The following KLF8 variants were observed in gnomAD, a reference collection of about 807,000 sequenced individuals.
The protein encoded by KLF8 is KLF transcription factor 8.
Under a neutral mutation model 18.2 loss-of-function variants are expected in KLF8, and 10 were observed. The observed-to-expected ratio is 0.55, with a 90% CI of 0.34 to 0.93. The LOEUF is 0.93. KLF8 is among the 40% of genes least tolerant of loss of function. The pLI is 0.02. For synonymous variants in KLF8, 109 were observed against 97.3 expected (o/e 1.12, Z -0.71); for missense variants, 264 against 277.9 (o/e 0.95, Z 0.36).
chrX:56,013,605 T>A, the KLF8 span, among the ~76,000 whole-genome samples: 4 of 111,551 alleles, frequency 3.6e-5, no homozygotes, highest in Admixed American at 2.9e-4. Flanking sequence ...CAGGTGGAGA[T>A]AATTGAATCA....
the KLF8 span, among the ~76,000 whole-genome samples, chrX:56,048,254 A>G: frequency 8.9e-6 from 1 of 111,825 alleles, no homozygotes; most frequent in East Asian, 2.8e-4. Flanking sequence ...TTTGCTGTGC[A>G]GAAGCTCTTT....
At chrX:55,936,582 G>A in the KLF8 span, among the ~76,000 whole-genome samples, 19 of 112,947 alleles carry the variant, frequency 1.7e-4, no homozygotes, top group Admixed American at 1.6e-3. Context: ...GCGAGGCATT[G>A]CCTCACGCAG....
the KLF8 span, among the ~76,000 whole-genome samples, chrX:55,976,602 G>A: frequency 0.035 from 4 of 113 alleles, no homozygotes; most frequent in Non-Finnish European, 0.062. Context: ...CATGTTTTCT[G>A]ATTCCTTTGG....
the KLF8 span, among the ~76,000 whole-genome samples, chrX:56,209,059 G>A: frequency 8.9e-6 from 1 of 111,873 alleles, no homozygotes; most frequent in African/African-American, 3.2e-5. Context: ...AAAGGGGAGT[G>A]TTGAAGTCTC....
the KLF8 span, among the ~76,000 whole-genome samples, chrX:56,020,041 T>C: frequency 1.8e-5 from 2 of 112,078 alleles, no homozygotes; most frequent in African/African-American, 3.2e-5. Context: ...CAATCAAGTA[T>C]TGATGTGTCG....
chrX:56,269,323 G>A, intron 3 of KLF8, 55 bp from the exon 4 acceptor site: 2 of 1,115,970 alleles, frequency 1.8e-6, no homozygotes, highest in East Asian at 6.5e-5. Context: ...TCCTGAAAAT[G>A]ATTAAAGAGG....
the KLF8 span, among the ~76,000 whole-genome samples, chrX:56,119,563 C>T: frequency 7.3e-5 from 8 of 110,177 alleles, no homozygotes; most frequent in Non-Finnish European, 1.5e-4. Context: ...GCCACCATGC[C>T]TGGCTACTTT....
chrX:56,132,410 A>C, the KLF8 span, among the ~76,000 whole-genome samples: 5 of 111,811 alleles, frequency 4.5e-5, no homozygotes, highest in East Asian at 8.4e-4. Context: ...TGAAATGAAG[A>C]GGCAAATACA....
At chrX:55,947,111 A>G in the KLF8 span, among the ~76,000 whole-genome samples, 2 of 111,274 alleles carry the variant, frequency 1.8e-5, no homozygotes, top group East Asian at 5.6e-4. Flanking sequence ...TAGAAATACC[A>G]TTTGACCCAG....
chrX:56,056,880 G>T, the KLF8 span, among the ~76,000 whole-genome samples: 2 of 109,043 alleles, frequency 1.8e-5, no homozygotes, highest in Non-Finnish European at 3.8e-5. Context: ...AGGGGCCAAG[G>T]TGCTCTCCAA....
the KLF8 span, among the ~76,000 whole-genome samples, chrX:56,172,070 T>A: frequency 9.0e-6 from 1 of 111,299 alleles, no homozygotes; most frequent in African/African-American, 3.3e-5. Context: ...CCATTCTAAC[T>A]GGTGTGAGAT....
the KLF8 span, among the ~76,000 whole-genome samples, chrX:56,153,535 T>A: frequency 9.0e-6 from 1 of 111,389 alleles, no homozygotes; most frequent in Non-Finnish European, 1.9e-5. Flanking sequence ...CAACACTATG[T>A]TGAACAGGAG....
At chrX:55,975,111 A>C in the KLF8 span, among the ~76,000 whole-genome samples, 1 of 111,999 alleles carries the variant, frequency 8.9e-6, no homozygotes, top group African/African-American at 3.2e-5. Flanking sequence ...CGTAGGATAT[A>C]GTGAAAAAGG....
the KLF8 span, among the ~76,000 whole-genome samples, chrX:56,123,059 C>T: frequency 3.6e-5 from 4 of 110,457 alleles, no homozygotes; most frequent in East Asian, 2.8e-4. Context: ...AAGAAGTCAA[C>T]GGAGTTGGAT....
the KLF8 span, among the ~76,000 whole-genome samples, chrX:56,106,472 C>A: frequency 8.9e-6 from 1 of 111,970 alleles, no homozygotes; most frequent in Admixed American, 9.5e-5. Context: ...GATCTTCCAT[C>A]ACTGATACCC....
chrX:56,096,763 G>C, the KLF8 span, among the ~76,000 whole-genome samples: 2 of 110,601 alleles, frequency 1.8e-5, no homozygotes, highest in African/African-American at 6.6e-5. Flanking sequence ...CTCTAGACAG[G>C]CTAATCTAAA....
chrX:56,199,996 A>G, the KLF8 span, among the ~76,000 whole-genome samples: 1 of 111,463 alleles, frequency 9.0e-6, no homozygotes, highest in East Asian at 2.8e-4. Context: ...AAAACCAAAC[A>G]CTACATGTTC....
chrX:55,931,944 T>G, the KLF8 span, among the ~76,000 whole-genome samples: 1 of 110,812 alleles, frequency 9.0e-6, no homozygotes, highest in South Asian at 4.0e-4. Flanking sequence ...GTCTCGTTGG[T>G]CTGTCTAATA....
the KLF8 span, chrX:56,074,577 G>C: frequency 8.8e-6 from 1 of 113,842 alleles, no homozygotes. Context: ...TGGAACCCAT[G>C]TCAAAATTAG....
Sources: gnomAD v4.1 joint callset for allele counts (sites outside exome capture counted in the v4.1 genomes callset) on GRCh38, gnomAD v4.1.1 for gene constraint, MANE v1.5 for transcripts, NCBI Gene and HGNC (gene_info 2026-07-23, HGNC 2026-07-21) for gene names.